The following NAALADL2 variants were observed in gnomAD, a reference collection of about 807,000 sequenced individuals.
The protein encoded by NAALADL2 is N-acetylated alpha-linked acidic dipeptidase like 2.
In NAALADL2, 76 loss-of-function variants were observed where a neutral mutation model predicts 87.2. The ratio of observed to expected loss-of-function variants is 0.87; its 90% CI spans 0.72 to 1.05. NAALADL2 has a LOEUF of 1.05. NAALADL2 is among the 50% of genes least tolerant of loss of function. The pLI, the probability that NAALADL2 is intolerant of heterozygous loss-of-function variation, is 0.00. For missense variants in NAALADL2, 1,089 were observed against 945.8 expected (o/e 1.15, Z -1.99); for synonymous variants, 354 against 331.0 (o/e 1.07, Z -0.75).
intron 1 of NAALADL2, among the ~76,000 whole-genome samples, chr3:174,536,358 G>A (rs149895224): frequency 5.9e-4 from 89 of 152,136 alleles, no homozygotes; most frequent in Middle Eastern, 6.8e-3. Context: ...ACTGAGATAC[G>A]ATATTGAAAA....
intron 2 of NAALADL2, among the ~76,000 whole-genome samples, chr3:174,630,719 A>G (rs1223394724): frequency 6.6e-6 from 1 of 152,200 alleles, no homozygotes; most frequent in Non-Finnish European, 1.5e-5. Flanking sequence ...GAATTTGTCA[A>G]AGAGAAAGAT....
At chr3:175,060,268 C>T (rs534983906) in intron 1 of NAALADL2, among the ~76,000 whole-genome samples, 1 of 152,136 alleles carries the variant, frequency 6.6e-6, no homozygotes, top group African/African-American at 2.4e-5. Flanking sequence ...ATATTAAAGT[C>T]CCCTTCCTAT....
intron 5 of NAALADL2, among the ~76,000 whole-genome samples, chr3:175,380,297 G>A (rs1767644597): frequency 6.6e-6 from 1 of 152,012 alleles, no homozygotes; most frequent in African/African-American, 2.4e-5. Flanking sequence ...CCACAAGGTT[G>A]CCCTAGAATG....
intron 12 of NAALADL2, among the ~76,000 whole-genome samples, chr3:175,746,559 G>C (rs912061024): frequency 2.0e-5 from 3 of 152,080 alleles, no homozygotes; most frequent in Non-Finnish European, 4.4e-5. Context: ...TCCCTCAGAA[G>C]TCCAAGGCAG....
chr3:175,583,040 T>C (rs1582497482), intron 10 of NAALADL2, among the ~76,000 whole-genome samples: 1 of 149,596 alleles, frequency 6.7e-6, no homozygotes, highest in East Asian at 1.9e-4. Flanking sequence ...CACCATATGC[T>C]GACAATTTCC....
intron 3 of NAALADL2, among the ~76,000 whole-genome samples, chr3:174,850,741 C>T (rs1425900738): frequency 6.6e-6 from 1 of 152,030 alleles, no homozygotes; most frequent in Non-Finnish European, 1.5e-5. Flanking sequence ...AACATGGAAC[C>T]TAATTTATAG....
At position 174,809,149 on chromosome 3, in the gene NAALADL2, C is replaced by T. The variant is rs556033435; in HGVS notation, c.-9+71403C>T. 3.9e-5 allele frequency among the ~76,000 whole-genome samples: 6 copies of T among 152,018 alleles called. No individual in the cohort carries two copies. In the South Asian group the frequency reaches 1.0e-3, roughly 26 times the overall value. On this transcript the variant is annotated intron_variant, in intron 3 of 3. Transcript: ENST00000434257. ...CAATTGAAAAAGAAAACTGGGGAAA[C>T]CTTTATTGTAAACCTGAAGCAGGTA...
At chr3:174,472,653 TTTTA>T (rs1427844912) in intron 1 of NAALADL2, among the ~76,000 whole-genome samples, 18 of 152,336 alleles carry the variant, frequency 1.2e-4, no homozygotes, top group Admixed American at 1.1e-3. Flanking sequence ...ATTACTGTAA[TTTTA>T]TTTTTTTGTT....
At chr3:175,515,312 G>C (rs1033023777) in intron 9 of NAALADL2, among the ~76,000 whole-genome samples, 1 of 152,126 alleles carries the variant, frequency 6.6e-6, no homozygotes, top group African/African-American at 2.4e-5. Context: ...TCAACAAATA[G>C]TCTTGCTCAT....
intron 1 of NAALADL2, among the ~76,000 whole-genome samples, chr3:174,947,311 T>G (rs1255286671): frequency 6.6e-6 from 1 of 152,158 alleles, no homozygotes; most frequent in Admixed American, 6.5e-5. Flanking sequence ...AGATTACATG[T>G]TCAGTTATCC....
chr3:174,914,811 G>A (rs1201321743), intron 1 of NAALADL2, among the ~76,000 whole-genome samples: 3 of 152,134 alleles, frequency 2.0e-5, no homozygotes, highest in Non-Finnish European at 4.4e-5. Flanking sequence ...CAAATTTGAT[G>A]ACCAGAGTCT....
intron 11 of NAALADL2, among the ~76,000 whole-genome samples, chr3:175,704,607 T>A (rs980961533): frequency 5.3e-5 from 8 of 152,016 alleles, no homozygotes; most frequent in African/African-American, 1.9e-4. Flanking sequence ...CCCAGGTATG[T>A]CCTCTCTACC....
intron 2 of NAALADL2, among the ~76,000 whole-genome samples, chr3:174,569,490 C>G (rs1405957408): frequency 6.6e-6 from 1 of 152,080 alleles, no homozygotes; most frequent in Non-Finnish European, 1.5e-5. Flanking sequence ...TCTACTGTTG[C>G]CATCCTCTCT....
rs762604250 is a variant in NAALADL2 at position 175,471,626 on chromosome 3, T to G, written c.1534-13T>G. 7.3e-7 allele frequency: 1 copy of G among 1,369,006 alleles called. No individual in the cohort carries two copies. Among genetic ancestry groups the G allele is most frequent in the Non-Finnish European group, 1.0e-6 (1 of 972,080 alleles). The allele number at this position is 1,369,006 out of a possible 1,614,324, so 84.8% of individuals were successfully genotyped here. A position where few individuals can be genotyped will look rare whatever the true frequency, so the allele number is the denominator to read the frequency against. ...TGTCTTACAGATAGATCCTTTTTTTTTTGTTATTTCAGGATTTCAAGAAGG... is the reference window on the plus strand; with the variant it reads ...TGTCTTACAGATAGATCCTTTTTTTGTTGTTATTTCAGGATTTCAAGAAGG... On this transcript the variant is annotated splice_polypyrimidine_tract_variant and intron_variant, in intron 8 of 13. Transcript: ENST00000454872.
At chr3:175,574,660 A>G (rs1314579692) in intron 9 of NAALADL2, among the ~76,000 whole-genome samples, 2 of 152,148 alleles carry the variant, frequency 1.3e-5, no homozygotes, top group Non-Finnish European at 2.9e-5. Flanking sequence ...TCACTCTAGT[A>G]AGTCCACTTG....
At chr3:175,015,751 T>A (rs558238577) in intron 1 of NAALADL2, among the ~76,000 whole-genome samples, 4 of 152,120 alleles carry the variant, frequency 2.6e-5, no homozygotes, top group Admixed American at 6.6e-5. Context: ...TAGAATAACT[T>A]ATTTTGAAGA....
At chr3:175,369,903 C>T (rs1266644036) in intron 5 of NAALADL2, among the ~76,000 whole-genome samples, 14 of 152,238 alleles carry the variant, frequency 9.2e-5, no homozygotes, top group Admixed American at 7.2e-4. Flanking sequence ...TCCTACATTC[C>T]GGTTTCTGAA....
At chr3:175,175,022 T>C (rs906234147) in intron 2 of NAALADL2, among the ~76,000 whole-genome samples, 1 of 152,076 alleles carries the variant, frequency 6.6e-6, no homozygotes, top group Non-Finnish European at 1.5e-5. Flanking sequence ...AATGTATAAT[T>C]TTTTCTCTTC....
intron 10 of NAALADL2, among the ~76,000 whole-genome samples, chr3:175,606,886 G>A (rs750352611): frequency 5.3e-5 from 8 of 152,154 alleles, no homozygotes; most frequent in Non-Finnish European, 8.8e-5. Flanking sequence ...GTGGCTGTCT[G>A]TGGTAATTTT....
Sources: gnomAD v4.1 joint callset for allele counts (sites outside exome capture counted in the v4.1 genomes callset) on GRCh38, gnomAD v4.1.1 for gene constraint, MANE v1.5 for transcripts, NCBI Gene and HGNC (gene_info 2026-07-23, HGNC 2026-07-21) for gene names.